Variants in URB1 observed in about 807,000 individuals in gnomAD.
URB1 encodes URB1 ribosome biogenesis factor, also known as nucleolar pre-ribosomal-associated protein 1.
A neutral mutation model predicts 242.3 loss-of-function variants in URB1; 197 were observed. The ratio of observed to expected loss-of-function variants is 0.81; its 90% CI spans 0.72 to 0.91. The LOEUF (loss-of-function observed/expected upper bound fraction) is 0.91. Among genes scored for constraint, URB1 ranks in the 40% least tolerant of loss-of-function variants. URB1 has a pLI of 0.00. For synonymous variants in URB1, 1,153 were observed against 1,201.8 expected, an observed-to-expected ratio of 0.96 and a Z score of 0.84; for missense variants, 2,721 against 2,860.5, an observed-to-expected ratio of 0.95 and a Z score of 1.11.
At chr21:32,342,353 G>C (rs2033039897) in intron 24 of URB1, among the ~76,000 whole-genome samples, 1 of 152,188 alleles carries the variant, frequency 6.6e-6, no homozygotes, top group Non-Finnish European at 1.5e-5. Flanking sequence ...GTGTGTGCAG[G>C]CTGCTGCCTC....
intron 28 of URB1, among the ~76,000 whole-genome samples, chr21:32,336,477 A>G (rs2032961065): frequency 6.6e-6 from 1 of 152,224 alleles, no homozygotes; most frequent in Non-Finnish European, 1.5e-5. Flanking sequence ...CCAAAAGTGC[A>G]TTCTATCAAT....
intron 38 of URB1, among the ~76,000 whole-genome samples, chr21:32,316,023 G>A (rs771384411): frequency 5.9e-5 from 9 of 152,208 alleles, no homozygotes; most frequent in African/African-American, 1.9e-4. Flanking sequence ...GTTCATGTGC[G>A]CATTTATACG....
Position 32,385,677 on chromosome 21 carries a change from T to C in URB1, c.150A>G (p.Glu50=). The C allele has an allele frequency of 6.5e-7, 1 of 1,550,192 alleles. No homozygotes were observed. Among genetic ancestry groups the C allele is most frequent in the Non-Finnish European group, 8.7e-7 (1 of 1,146,652 alleles). Residue 50 remains glutamate, a synonymous_variant, in exon 2 of 39, where the codon GAA becomes GAG. Transcript: ENST00000382751. ...KDPQGPGPGL[E]AFVSAAKKLP... is the part of the protein sequence containing the mutation. The stretch of plus-strand genomic sequence containing the variant: ...GCTTCTTGGCAGCAGACACAAACGC[T>C]TCCAAGCCTGAAAAAAAAGTTATGT...
chr21:32,383,741 C>T lies in URB1; in HGVS notation c.435-187G>A, dbSNP rs558746972. Among the ~76,000 whole-genome samples the T allele has an allele frequency of 2.0e-5, 3 of 151,942 alleles. No individual in the cohort carries two copies. The East Asian group carries it at 5.8e-4, about 29-fold the overall frequency. Reference sequence around the variant, plus strand: ...AAAAGCATAAAGATTCAAAATAACGCTAAAAATTAAAACTAAGTAGGATTA... The same window carrying T: ...AAAAGCATAAAGATTCAAAATAACGTTAAAAATTAAAACTAAGTAGGATTA... On this transcript the variant is annotated intron_variant, in intron 3 of 38. Transcript: ENST00000382751.
intron 19 of URB1, among the ~76,000 whole-genome samples, chr21:32,351,176 T>C (rs1387679013): frequency 1.3e-5 from 2 of 152,060 alleles, no homozygotes; most frequent in Non-Finnish European, 2.9e-5. Flanking sequence ...CTACACCCCT[T>C]GGAGAACAAG....
chr21:32,326,276 T>TA (rs2032828439), intron 30 of URB1, among the ~76,000 whole-genome samples: 1 of 152,190 alleles, frequency 6.6e-6, no homozygotes, highest in Non-Finnish European at 1.5e-5. Context: ...GTTCTCGAGA[T>TA]AGAGTGACCA....
Position 32,338,987 on chromosome 21 carries a change from T to C in URB1, c.4317-87A>G, listed in dbSNP as rs938628576. 4.6e-5 allele frequency: 60 copies of C among 1,290,966 alleles called. No homozygotes were observed. In the African/African-American group the frequency reaches 8.3e-4, roughly 18 times the overall value. 80.0% of individuals were successfully genotyped at this position (1,290,966 alleles called of 1,614,324 possible). A position where few individuals can be genotyped will look rare whatever the true frequency, so the allele number is the denominator to read the frequency against. On this transcript the variant is annotated intron_variant, in intron 25 of 38. Coordinates refer to ENST00000382751, the MANE Select transcript of URB1 (RefSeq NM_014825.3). Reference sequence around the variant, plus strand: ...ACAATAAAGATTCTTTTTCTCAGTATTTTATTTATTTATTTATTTTTGAGA... The same window carrying C: ...ACAATAAAGATTCTTTTTCTCAGTACTTTATTTATTTATTTATTTTTGAGA...
At chr21:32,392,016 C>T (rs550307131) in intron 1 of URB1, among the ~76,000 whole-genome samples, 1 of 146,456 alleles carries the variant, frequency 6.8e-6, no homozygotes, top group South Asian at 2.1e-4. Flanking sequence ...AGAGCAAGAC[C>T]CTGTCGTTTA....
chr21:32,391,020 T>C (rs1029382317), intron 1 of URB1, among the ~76,000 whole-genome samples: 2 of 152,166 alleles, frequency 1.3e-5, no homozygotes, highest in African/African-American at 4.8e-5. Flanking sequence ...ATATACACCA[T>C]GGAATACTAT....
intron 7 of URB1, among the ~76,000 whole-genome samples, chr21:32,372,926 C>G (rs2033421835): frequency 6.6e-6 from 1 of 152,106 alleles, no homozygotes; most frequent in Middle Eastern, 3.2e-3. Flanking sequence ...TTTATGCAGC[C>G]TCTGAGGCTT....
At chr21:32,350,961 C>T (rs1199579748) in intron 19 of URB1, 39 bp from the exon 20 acceptor site, 1 of 1,526,148 alleles carries the variant, frequency 6.6e-7, no homozygotes, top group African/African-American at 1.4e-5. Flanking sequence ...GAGAAAGACA[C>T]ATCACCACAG....
chr21:32,380,050 T>C (rs1381344774), intron 4 of URB1, among the ~76,000 whole-genome samples: 1 of 152,176 alleles, frequency 6.6e-6, no homozygotes, highest in Non-Finnish European at 1.5e-5. Context: ...GAAGTAATTG[T>C]ACAAACATAC....
intron 25 of URB1, among the ~76,000 whole-genome samples, chr21:32,339,107 G>C (rs1214139490): frequency 6.6e-6 from 1 of 152,110 alleles, no homozygotes; most frequent in Non-Finnish European, 1.5e-5. Context: ...TGATTCTCCT[G>C]CCTCAGCCTC....
At chr21:32,331,078 G>T (rs1568811935) in intron 30 of URB1, among the ~76,000 whole-genome samples, 1 of 152,300 alleles carries the variant, frequency 6.6e-6, no homozygotes, top group South Asian at 2.1e-4. Context: ...ATGAATAGTG[G>T]AACAATGTCT....
Position 32,366,636 on chromosome 21 carries a change from C to A in URB1, c.1317G>T (p.Met439Ile), listed in dbSNP as rs1182615555. The A allele has an allele frequency of 6.4e-7, 1 of 1,551,486 alleles. No homozygotes were observed. Among genetic ancestry groups the A allele is most frequent in the Non-Finnish European group, 8.7e-7 (1 of 1,146,822 alleles). ...GCCTTACGTTTAATGCTTGGGTGAA[C>A]ATGCTCTTATTGCACACCAGGGGCA... is the stretch of plus-strand genomic sequence containing the variant. ...TTVPLVCNKS[M>I]FTQALNLDST... The change falls in exon 10 of 39, where the codon ATG becomes ATT. Residue 439 changes from methionine to isoleucine, a missense_variant. Physicochemically the swap from Met to Ile is conservative, Grantham distance 10. Coordinates refer to ENST00000382751, the MANE Select transcript of URB1 (RefSeq NM_014825.3).
intron 10 of URB1, among the ~76,000 whole-genome samples, chr21:32,364,287 T>C (rs532458229): frequency 1.3e-5 from 2 of 152,212 alleles, no homozygotes; most frequent in South Asian, 2.1e-4. Flanking sequence ...GAGGATCATA[T>C]GATGGCATCT....
chr21:32,333,102 ATT>A (rs58683625), intron 30 of URB1: 62 of 469,586 alleles, frequency 1.3e-4, no homozygotes, highest in East Asian at 8.0e-4. Flanking sequence ...TAAAATTACA[ATT>A]TTTTTTTTTA....
Position 32,314,701 on chromosome 21 carries a change from C to T in URB1, c.*217G>A. ...GGCCTAGAAGTCCCCACATTCCTTGCAACTCTGATGCTGGGCACCTACAGG... is the reference window on the plus strand; with the variant it reads ...GGCCTAGAAGTCCCCACATTCCTTGTAACTCTGATGCTGGGCACCTACAGG... On this transcript the variant is annotated 3_prime_UTR_variant, in exon 39 of 39. Transcript: ENST00000382751. 1 of 1,574,312 alleles carries T rather than the reference C, an allele frequency of 6.4e-7. No individual in the cohort carries two copies. Among genetic ancestry groups the T allele is most frequent in the Non-Finnish European group, 8.7e-7 (1 of 1,144,164 alleles).
At chr21:32,318,014 G>A (rs779093559) in intron 36 of URB1, 97 bp from the exon 37 acceptor site, 19 of 1,454,224 alleles carry the variant, frequency 1.3e-5, no homozygotes, top group Non-Finnish European at 1.7e-5. Flanking sequence ...ACCCAGAGGT[G>A]CACACAGTCC....
Sources: allele counts gnomAD v4.1 joint callset (sites outside exome capture counted in the v4.1 genomes callset), GRCh38; gene constraint gnomAD v4.1.1; transcripts MANE v1.5; gene names NCBI Gene and HGNC (gene_info 2026-07-23, HGNC 2026-07-21).